Variants in CDAN1 observed in about 807,000 individuals in gnomAD.
CDAN1 encodes codanin-1.
A neutral mutation model predicts 139.8 loss-of-function variants in CDAN1; 107 were observed. The ratio of observed to expected loss-of-function variants is 0.77; its 90% CI spans 0.65 to 0.90. The LOEUF (loss-of-function observed/expected upper bound fraction) is 0.90, where lower values mean the gene tolerates loss of function less well. Ranked by LOEUF, CDAN1 falls within the 40% of genes least tolerant of loss-of-function variation. The pLI is 0.00. For missense variants in CDAN1, 1,667 were observed against 1,575.7 expected (o/e 1.06, Z -0.98); for synonymous variants, 776 against 660.6 (o/e 1.17, Z -2.68).
chr15:42,724,993 A>ATAAC lies in CDAN1; in HGVS notation c.3558+147_3558+150dup, dbSNP rs571000450. On this transcript the variant is annotated intron_variant, in intron 27 of 27. Transcript: ENST00000356231. Reference sequence around the variant, plus strand: ...TCCCACTAACACAGTCCCTCATATAATAACTACTCAAATCGGGACAATTTC... The same window carrying ATAAC: ...TCCCACTAACACAGTCCCTCATATAATAACTAACTACTCAAATCGGGACAATTTC... 1,943 of 729,934 alleles carry ATAAC rather than the reference A, an allele frequency of 2.7e-3. 7 individuals carry two copies. The highest frequency in any genetic ancestry group is 3.9e-3 in the Non-Finnish European group (1,569 of 405,066). The allele number at this position is 729,934 out of a possible 1,614,324, so 45.2% of individuals were successfully genotyped here. A position where few individuals can be genotyped will look rare whatever the true frequency, so the allele number is the denominator to read the frequency against.
At position 42,725,619 on chromosome 15, in the gene CDAN1, C is replaced by G. The variant is rs770398034; in HGVS notation, c.3320G>C (p.Arg1107Thr). 9.3e-6 allele frequency: 15 copies of G among 1,614,166 alleles called. No individual in the cohort carries two copies. Among genetic ancestry groups the G allele is most frequent in the South Asian group, 8.8e-5 (8 of 91,082 alleles). The change falls in exon 26 of 28, where the codon AGA becomes ACA. Residue 1107 changes from arginine (R) to threonine (T), a missense_variant. This residue lies in a region of CDAN1 where 936 missense variants were observed against 844.1 expected (regional missense o/e 1.11). Transcript: ENST00000356231. The stretch of plus-strand genomic sequence containing the variant: ...GTGCAGAAGCCTTCGAGCCTGCCCT[C>G]TCTCCAGCCTGTACTGTGCCGGGGG... ...LGPPAQYRLERGQARRLLHML... is the reference protein window; with the variant it reads ...LGPPAQYRLETGQARRLLHML...
Position 42,729,025 on chromosome 15 carries a change from G to C in CDAN1, c.2643C>G (p.Ile881Met), listed in dbSNP as rs762090329. 1 of 1,613,848 alleles carries C rather than the reference G, an allele frequency of 6.2e-7. No individual in the cohort carries two copies. The highest frequency in any genetic ancestry group is 2.2e-5 in the East Asian group (1 of 44,868). ...CAGGATCCTTAACCCACTCTTACTTGATATGTTTGACACAGTTTGATCCAA... is the reference window on the plus strand; with the variant it reads ...CAGGATCCTTAACCCACTCTTACTTCATATGTTTGACACAGTTTGATCCAA... ...ERIGSNCVKHIKATLVADLVR... is the reference protein window; with the variant it reads ...ERIGSNCVKHMKATLVADLVR... Residue 881 changes from isoleucine to methionine, a missense_variant and splice_region_variant, in exon 19 of 28, where the codon ATC becomes ATG. Ile to Met is a conservative substitution (Grantham distance 10). This residue lies in a region of CDAN1 where 936 missense variants were observed against 844.1 expected (regional missense o/e 1.11). Coordinates refer to ENST00000356231, the MANE Select transcript of CDAN1 (RefSeq NM_138477.4).
In CDAN1 at chr15:42,736,095, C is replaced by T; in HGVS notation, c.570-17G>A. ...GGCTTCGTCCTGCTGAGAGTAGCCA[C>T]AGGTTTTTCTCAAATTCCTATCTTC... On this transcript the variant is annotated splice_polypyrimidine_tract_variant and intron_variant, in intron 2 of 27. Transcript: ENST00000356231. The T allele has an allele frequency of 1.2e-6, 2 of 1,613,400 alleles. No individual in the cohort carries two copies. The highest frequency in any genetic ancestry group is 1.7e-6 in the Non-Finnish European group (2 of 1,179,408).
At chr15:42,730,330 G>T in intron 14 of CDAN1, 115 bp from the exon 15 acceptor site, 1 of 1,066,790 alleles carries the variant, frequency 9.4e-7, no homozygotes, top group Non-Finnish European at 1.4e-6. Flanking sequence ...CTGGGGCCAT[G>T]TTGGCAAGCA....
In CDAN1 at chr15:42,725,608, G is replaced by A. The variant is rs776820554; in HGVS notation, c.3331C>T (p.Arg1111Ter). 4.3e-6 allele frequency: 7 copies of A among 1,613,998 alleles called. No homozygotes were observed. ...AQYRLERGQA[R>*]RLLHMLLSLW... ...GAAAGCAGCATGTGCAGAAGCCTTC[G>A]AGCCTGCCCTCTCTCCAGCCTGTAC... The change falls in exon 26 of 28, where the codon CGA becomes TGA. Residue 1111 changes from arginine to a stop codon, truncating the protein, a stop_gained. Transcript: ENST00000356231. LOFTEE classifies it high-confidence loss of function.
At chr15:42,731,903 A>G in intron 10 of CDAN1, 78 bp from the exon 11 acceptor site, 4 of 1,295,424 alleles carry the variant, frequency 3.1e-6, no homozygotes, top group Non-Finnish European at 3.3e-6. Context: ...ATAAGGAGAA[A>G]GTAATGAACA....
At chr15:42,733,242 T>G in intron 8 of CDAN1, 56 bp from the exon 9 acceptor site, 1 of 1,431,968 alleles carries the variant, frequency 7.0e-7, no homozygotes, top group Non-Finnish European at 9.8e-7. Context: ...AGTGCCTTCC[T>G]GCCCCTGGAA....
At chr15:42,731,872 G>A (rs1404349984) in intron 10 of CDAN1, 47 bp from the exon 11 acceptor site, 1 of 1,566,376 alleles carries the variant, frequency 6.4e-7, no homozygotes, top group South Asian at 1.1e-5. Flanking sequence ...CAGCAAGTGG[G>A]AGGGAAGGAC....
chr15:42,733,278 C>CG, intron 8 of CDAN1, 92 bp from the exon 9 acceptor site: 1 of 838,306 alleles, frequency 1.2e-6, no homozygotes, highest in Non-Finnish European at 1.9e-6. Context: ...CACCCACCAC[C>CG]TTTTTTTTTT....
intron 22 of CDAN1, 63 bp downstream of exon 22, chr15:42,727,892 T>C (rs1209029536): frequency 9.4e-6 from 15 of 1,600,662 alleles, no homozygotes; most frequent in Non-Finnish European, 1.3e-5. Context: ...AAGATGCCTC[T>C]GACTCTCTGC....
chr15:42,734,546 C>G lies in CDAN1; in HGVS notation c.1137-200G>C, dbSNP rs529514316. Among the ~76,000 whole-genome samples, 4 of 152,320 alleles carry G rather than the reference C, an allele frequency of 2.6e-5. No individual in the cohort carries two copies. In the South Asian group the frequency reaches 8.3e-4, roughly 32 times the overall value. On this transcript the variant is annotated intron_variant, in intron 6 of 27. Transcript: ENST00000356231. ...AGACTTTACAGAGCAAGGACCAAGA[C>G]AGCAGGACAGGAACATTACCCAGAA...
intron 27 of CDAN1, 46 bp downstream of exon 27, chr15:42,725,098 T>C: frequency 6.7e-7 from 1 of 1,483,608 alleles, no homozygotes; most frequent in South Asian, 1.1e-5. Context: ...AGATGGGATA[T>C]GTAACACCTG....
At chr15:42,731,960 G>A in intron 10 of CDAN1, 135 bp from the exon 11 acceptor site, 1 of 830,132 alleles carries the variant, frequency 1.2e-6, no homozygotes, top group Non-Finnish European at 2.0e-6. Context: ...GATTTTCTGA[G>A]ATGTGAATTA....
At chr15:42,730,497 A>G in intron 14 of CDAN1, 101 bp downstream of exon 14, 1 of 1,378,426 alleles carries the variant, frequency 7.3e-7, no homozygotes, top group Middle Eastern at 1.8e-4. Flanking sequence ...AGGGCCCCAC[A>G]CGCACAGTGC....
At position 42,735,917 on chromosome 15, in the gene CDAN1, C is replaced by T. The variant is rs139936073; in HGVS notation, c.731G>A (p.Cys244Tyr). Residue 244 changes from cysteine (C) to tyrosine (Y), a missense_variant, in exon 3 of 28, where the codon TGC becomes TAC. Physicochemically the swap from Cys to Tyr is radical, Grantham distance 194 (BLOSUM62 -2). Coordinates refer to ENST00000356231, the MANE Select transcript of CDAN1 (RefSeq NM_138477.4). ...CTCTCGCTCCTCTTGCAGACTTCTGCACCCTGGGGGAAGGCCAAGGCCCCA... is the reference window on the plus strand; with the variant it reads ...CTCTCGCTCCTCTTGCAGACTTCTGTACCCTGGGGGAAGGCCAAGGCCCCA... ...SPWGLGLPPG[C>Y]RSLQEEREML... 6 of 1,614,196 alleles carry T rather than the reference C, an allele frequency of 3.7e-6. No homozygotes were observed. The highest frequency in any genetic ancestry group is 5.1e-6 in the Non-Finnish European group (6 of 1,180,036).
In CDAN1 at chr15:42,728,734, C is replaced by T. The variant is rs746526678; in HGVS notation, c.2722G>A (p.Gly908Arg). The change falls in exon 20 of 28, where the codon GGG becomes AGG. Residue 908 changes from glycine to arginine, a missense_variant. Coordinates refer to ENST00000356231, the MANE Select transcript of CDAN1 (RefSeq NM_138477.4). Reference protein sequence around the residue: ...QEQLVTQGEEGGDPAQLLEIL... With the variant: ...QEQLVTQGEERGDPAQLLEIL... Reference sequence around the variant, plus strand: ...TCCAACAGCTGGGCTGGGTCTCCCCCTTCCTCTCCCTGTGTCACCAGCTGC... The same window carrying T: ...TCCAACAGCTGGGCTGGGTCTCCCCTTTCCTCTCCCTGTGTCACCAGCTGC... The T allele has an allele frequency of 3.7e-6, 6 of 1,614,200 alleles. No homozygotes were observed. The South Asian group carries it at 5.5e-5, about 15-fold the overall frequency.
In CDAN1 at chr15:42,734,184, G is replaced by A. The variant is rs779312216; in HGVS notation, c.1257+42C>T. 15 of 1,613,930 alleles carry A rather than the reference G, an allele frequency of 9.3e-6. No homozygotes were observed. In the Admixed American group the frequency reaches 2.5e-4, roughly 27 times the overall value. On this transcript the variant is annotated intron_variant, in intron 7 of 27. Coordinates refer to ENST00000356231, the MANE Select transcript of CDAN1 (RefSeq NM_138477.4). ...GCCTGAATTTATGAAAGCTAGGAAG[G>A]GTTAGGTCCAGGCTAGTGGGCAACT... is the stretch of plus-strand genomic sequence containing the variant.
At chr15:42,725,014 A>G (rs1266367588) in intron 27 of CDAN1, 130 bp downstream of exon 27, 1 of 773,574 alleles carries the variant, frequency 1.3e-6, no homozygotes, top group Non-Finnish European at 2.3e-6. Flanking sequence ...AATCGGGACA[A>G]TTTCAGGGTG....
chr15:42,733,298 G>C, intron 8 of CDAN1, 112 bp from the exon 9 acceptor site: 1 of 839,620 alleles, frequency 1.2e-6, no homozygotes, highest in Non-Finnish European at 2.0e-6. Context: ...TTTGGAGATG[G>C]AGTCTTGCTC....
Sources: gnomAD v4.1 joint callset for allele counts (sites outside exome capture counted in the v4.1 genomes callset) on GRCh38, gnomAD v4.1.1 for gene constraint, gnomAD v4.1.1 regional missense constraint, MANE v1.5 for transcripts, NCBI Gene and HGNC (gene_info 2026-07-23, HGNC 2026-07-21) for gene names.